CDK14: variants seen among roughly 807,000 people sequenced by gnomAD.
CDK14 encodes the protein cyclin dependent kinase 14.
Under a neutral mutation model 60.7 loss-of-function variants are expected in CDK14, and 34 were observed. The observed-to-expected ratio is 0.56, with a 90% CI of 0.43 to 0.75. The LOEUF is 0.75. Ranked by LOEUF, CDK14 falls within the 30% of genes least tolerant of loss-of-function variation. CDK14 has a pLI of 0.00. For missense variants in CDK14, 482 were observed against 564.1 expected (o/e 0.85, Z 1.47); for synonymous variants, 197 against 203.7 (o/e 0.97, Z 0.28).
intron 10 of CDK14, among the ~76,000 whole-genome samples, chr7:91,014,089 A>G (rs984313770): frequency 6.6e-6 from 1 of 152,050 alleles, no homozygotes; most frequent in East Asian, 1.9e-4. Context: ...TTGTCTGTCT[A>G]CTTGTCCCAT....
chr7:90,767,531 G>A (rs986811985), intron 4 of CDK14, among the ~76,000 whole-genome samples: 7 of 152,066 alleles, frequency 4.6e-5, no homozygotes, highest in South Asian at 2.1e-4. Context: ...GAAATAGAGC[G>A]CTCACTGCTC....
chr7:90,787,651 G>A (rs6943917), intron 4 of CDK14, among the ~76,000 whole-genome samples: 137,056 of 152,192 alleles, frequency 0.9, 61,825 homozygotes, highest in East Asian at 1. Flanking sequence ...GATAAAACAG[G>A]AAAAGTCCCC....
At chr7:90,637,910 A>T in intron 2 of CDK14, among the ~76,000 whole-genome samples, 2 of 148,604 alleles carry the variant, frequency 1.3e-5, no homozygotes, top group East Asian at 2.0e-4. Context: ...GTCTCTTTTG[A>T]TCTTTGTTGG....
chr7:90,877,722 A>G (rs982940646), intron 6 of CDK14, among the ~76,000 whole-genome samples: 2 of 152,186 alleles, frequency 1.3e-5, no homozygotes, highest in Non-Finnish European at 2.9e-5. Context: ...TCTAACAAGA[A>G]GATAAAAAGT....
At chr7:91,103,844 A>AAGAGAGAGAGAGAGAGAG (rs35892260) in intron 12 of CDK14, among the ~76,000 whole-genome samples, 2 of 144,814 alleles carry the variant, frequency 1.4e-5, no homozygotes, top group Non-Finnish European at 3.1e-5. Flanking sequence ...GAGAGAGAGA[A>AAGAGAGAGAGAGAGAGAG]AGAGAGAGAG....
At chr7:91,158,605 T>G (rs941621939) in intron 14 of CDK14, among the ~76,000 whole-genome samples, 6 of 152,206 alleles carry the variant, frequency 3.9e-5, no homozygotes, top group Non-Finnish European at 8.8e-5. Flanking sequence ...TGAAATATTC[T>G]CTAGTTTTGG....
intron 3 of CDK14, among the ~76,000 whole-genome samples, chr7:90,736,626 G>A (rs1425683831): frequency 2.6e-5 from 4 of 151,920 alleles, no homozygotes; most frequent in African/African-American, 9.7e-5. Context: ...CATGATTTAT[G>A]TCATACTTTT....
intron 2 of CDK14, among the ~76,000 whole-genome samples, chr7:90,664,026 T>C (rs1800919882): frequency 1.3e-5 from 2 of 151,694 alleles, no homozygotes; most frequent in African/African-American, 4.8e-5. Context: ...TGGGAGAAAA[T>C]TTTTGCAACC....
At chr7:90,598,387 A>C (rs1354240091) in intron 1 of CDK14, among the ~76,000 whole-genome samples, 6 of 152,340 alleles carry the variant, frequency 3.9e-5, no homozygotes, top group African/African-American at 1.2e-4. Flanking sequence ...TAGTGATGTG[A>C]AACTCCTTTT....
At chr7:91,201,302 T>C (rs1802714336) in intron 14 of CDK14, among the ~76,000 whole-genome samples, 1 of 152,134 alleles carries the variant, frequency 6.6e-6, no homozygotes, top group African/African-American at 2.4e-5. Context: ...CTGTTAGGCA[T>C]ATTTACAAAG....
intron 5 of CDK14, among the ~76,000 whole-genome samples, chr7:90,823,727 G>T (rs1395247874): frequency 1.3e-5 from 2 of 152,132 alleles, no homozygotes; most frequent in Admixed American, 6.6e-5. Flanking sequence ...GTGGTAACAT[G>T]CCCTCTCCCT....
chr7:90,806,338 T>C, intron 5 of CDK14, among the ~76,000 whole-genome samples: 1 of 152,082 alleles, frequency 6.6e-6, no homozygotes, highest in East Asian at 1.9e-4. Flanking sequence ...AGTCACAAAT[T>C]GGTAGAAAAT....
chr7:90,874,843 T>A (rs1250461091), intron 6 of CDK14, among the ~76,000 whole-genome samples: 1 of 152,192 alleles, frequency 6.6e-6, no homozygotes, highest in African/African-American at 2.4e-5. Context: ...CTTTTTTTAA[T>A]GTGTGTAATG....
intron 3 of CDK14, 24 bp downstream of exon 3, chr7:90,726,836 C>A (rs935891695): frequency 8.7e-6 from 14 of 1,611,404 alleles, no homozygotes; most frequent in Non-Finnish European, 1.1e-5. Context: ...TTTTGTTTAT[C>A]ACTGGGTAAA....
intron 4 of CDK14, among the ~76,000 whole-genome samples, chr7:90,790,262 T>A (rs1311589355): frequency 6.6e-6 from 1 of 152,104 alleles, no homozygotes; most frequent in Non-Finnish European, 1.5e-5. Flanking sequence ...GCATGATTTT[T>A]AATTAATCTG....
chr7:91,021,103 A>T (rs1796424188), intron 10 of CDK14, among the ~76,000 whole-genome samples: 1 of 152,162 alleles, frequency 6.6e-6, no homozygotes, highest in Non-Finnish European at 1.5e-5. Flanking sequence ...TCTCTAGTCT[A>T]CTAAGTCTCC....
At chr7:90,983,490 T>C (rs1236977663) in intron 9 of CDK14, among the ~76,000 whole-genome samples, 1 of 151,970 alleles carries the variant, frequency 6.6e-6, no homozygotes, top group African/African-American at 2.4e-5. Flanking sequence ...CCATCCTGGC[T>C]AACACGGTGA....
chr7:90,784,383 T>G (rs1348587047), intron 4 of CDK14, among the ~76,000 whole-genome samples: 1 of 152,168 alleles, frequency 6.6e-6, no homozygotes, highest in Admixed American at 6.5e-5. Flanking sequence ...AATAATTTAT[T>G]GCATATTTCA....
intron 11 of CDK14, among the ~76,000 whole-genome samples, chr7:91,060,746 G>A (rs1253801463): frequency 1.3e-5 from 2 of 152,186 alleles, no homozygotes; most frequent in Non-Finnish European, 1.5e-5. Context: ...CTTCTGGCTT[G>A]TAGAGTTTCT....
Sources: gnomAD v4.1 joint callset for allele counts (sites outside exome capture counted in the v4.1 genomes callset) on GRCh38, gnomAD v4.1.1 for gene constraint, MANE v1.5 for transcripts, NCBI Gene and HGNC (gene_info 2026-07-23, HGNC 2026-07-21) for gene names.